ASIP: variants seen among roughly 807,000 people sequenced by gnomAD.
ASIP encodes the protein agouti-signaling protein.
ASIP carries 11 observed loss-of-function variants against 10.3 expected under a neutral mutation model. That is an observed-to-expected ratio of 1.07 (90% confidence interval 0.68 to 1.78). ASIP has a LOEUF of 1.78. Ranked by LOEUF, ASIP falls within the 40% of genes most tolerant of loss-of-function variation. ASIP has a pLI of 0.00. For synonymous variants in ASIP, 70 were observed against 70.8 expected, an observed-to-expected ratio of 0.99 and a Z score of 0.06; for missense variants, 180 against 169.2, an observed-to-expected ratio of 1.06 and a Z score of -0.35.
At chr20:34,194,368 C>G (rs2034841505), upstream of ASIP, among the ~76,000 whole-genome samples, 1 of 152,010 alleles carries the variant, frequency 6.6e-6, no homozygotes, top group South Asian at 2.1e-4. Context: ...AGAGTCTCAC[C>G]TATTTACTAG....
intron 1 of ASIP, among the ~76,000 whole-genome samples, chr20:34,206,065 T>G (rs933341892): frequency 5.9e-5 from 9 of 152,186 alleles, no homozygotes; most frequent in Non-Finnish European, 1.3e-4. Context: ...CCATCTCACC[T>G]CACTGCAACC....
At chr20:34,240,483 C>T (rs540123973), upstream of ASIP, among the ~76,000 whole-genome samples, 4 of 152,134 alleles carry the variant, frequency 2.6e-5, no homozygotes, top group Non-Finnish European at 5.9e-5. Flanking sequence ...AGAACTGCAG[C>T]GTCATAGTTT....
At chr20:34,235,726 G>A (rs1259118166) in intron 1 of ASIP, among the ~76,000 whole-genome samples, 1 of 147,362 alleles carries the variant, frequency 6.8e-6, no homozygotes, top group Admixed American at 6.9e-5. Context: ...CGTGGCTGAA[G>A]TGGGCTCATG....
chr20:34,188,183 A>G, the ASIP span, among the ~76,000 whole-genome samples: 1 of 152,230 alleles, frequency 6.6e-6, no homozygotes, highest in Non-Finnish European at 1.5e-5. Flanking sequence ...GGATACAAAA[A>G]CGAAATTATA....
At chr20:34,215,330 A>G in intron 1 of ASIP, 4 of 1,572,750 alleles carry the variant, frequency 2.5e-6, no homozygotes, top group Non-Finnish European at 2.6e-6. Context: ...GATATTTGGT[A>G]CCATGATTCC....
intron 3 of ASIP, among the ~76,000 whole-genome samples, chr20:34,267,856 G>A (rs2035815550): frequency 6.8e-6 from 1 of 147,416 alleles, no homozygotes. Flanking sequence ...AAAAAAAAAA[G>A]GTGCAATTAA....
At chr20:34,200,349 T>C (rs1481066700) in intron 1 of ASIP, among the ~76,000 whole-genome samples, 1 of 152,188 alleles carries the variant, frequency 6.6e-6, no homozygotes, top group Non-Finnish European at 1.5e-5. Context: ...GATTAAGAAA[T>C]ACAGTACTAA....
At chr20:34,264,671 G>A (rs1431546816) in intron 3 of ASIP, among the ~76,000 whole-genome samples, 4 of 151,508 alleles carry the variant, frequency 2.6e-5, no homozygotes, top group East Asian at 3.9e-4. Context: ...GTAAACTTAC[G>A]GTATCAATAA....
chr20:34,219,069 A>G (rs77990071), intron 1 of ASIP, among the ~76,000 whole-genome samples: 2 of 152,324 alleles, frequency 1.3e-5, no homozygotes, highest in East Asian at 1.9e-4. Context: ...AGGCAGTTGT[A>G]TAGACTTCCA....
chr20:34,190,283 C>T (rs2034817082), upstream of ASIP, among the ~76,000 whole-genome samples: 1 of 152,138 alleles, frequency 6.6e-6, no homozygotes, highest in Admixed American at 6.5e-5. Flanking sequence ...TAGAACCTCC[C>T]AGATGAGAAT....
intron 1 of ASIP, among the ~76,000 whole-genome samples, chr20:34,210,944 G>C (rs1187350578): frequency 1.3e-5 from 2 of 152,016 alleles, no homozygotes; most frequent in Non-Finnish European, 2.9e-5. Context: ...TTTCTAGTTT[G>C]GGTACGCTAA....
At chr20:34,227,873 G>A (rs912013191) in intron 1 of ASIP, among the ~76,000 whole-genome samples, 2 of 152,124 alleles carry the variant, frequency 1.3e-5, no homozygotes, top group Admixed American at 1.3e-4. Flanking sequence ...TCCAGACTTG[G>A]AGAATAATCA....
chr20:34,213,680 G>T, intron 1 of ASIP: 1 of 1,543,984 alleles, frequency 6.5e-7, no homozygotes, highest in Non-Finnish European at 9.0e-7. Flanking sequence ...TTGAGTATAT[G>T]TTCTGAAGCA....
chr20:34,226,350 T>G (rs2122571705), intron 1 of ASIP, among the ~76,000 whole-genome samples: 1 of 152,014 alleles, frequency 6.6e-6, no homozygotes, highest in Middle Eastern at 3.4e-3. Context: ...TATTCTGATT[T>G]TTTTTTAACT....
At chr20:34,197,356 G>A (rs915152527) in intron 1 of ASIP, among the ~76,000 whole-genome samples, 2 of 152,122 alleles carry the variant, frequency 1.3e-5, no homozygotes, top group South Asian at 4.1e-4. Flanking sequence ...GCAAGACTCC[G>A]TCTCAAAAAT....
chr20:34,203,146 T>C (rs1309124615), intron 1 of ASIP, among the ~76,000 whole-genome samples: 4 of 152,078 alleles, frequency 2.6e-5, no homozygotes, highest in Non-Finnish European at 5.9e-5. Context: ...GATAACTTTA[T>C]AAATTCTACC....
intron 1 of ASIP, chr20:34,213,795 G>C (rs1159316321): frequency 2.0e-6 from 3 of 1,506,808 alleles, no homozygotes; most frequent in Non-Finnish European, 2.8e-6. Context: ...GACAACTGAG[G>C]GCCAGCAAGA....
rs1353267138 is a variant in ASIP at position 34,223,248 on chromosome 20, G to T, written c.-11+28488G>T. 2.9e-5 allele frequency among the ~76,000 whole-genome samples: 4 copies of T among 140,326 alleles called. No homozygotes were observed. In the East Asian group the frequency reaches 6.5e-4, roughly 23 times the overall value. 92.1% of individuals were successfully genotyped at this position (140,326 alleles called of 152,430 possible). ...GAGCGTCTCTGCCCGGCCGCCCATC[G>T]TCTGAGATGTGGGGAGCGCCTCTGC... On this transcript the variant is annotated intron_variant, in intron 1 of 3. Coordinates refer to the ASIP transcript ENST00000568305.
intron 3 of ASIP, among the ~76,000 whole-genome samples, chr20:34,263,822 C>T (rs2035738605): frequency 6.6e-6 from 1 of 151,858 alleles, no homozygotes; most frequent in African/African-American, 2.4e-5. Context: ...GCACATGCCA[C>T]CATGCCCAGC....
Sources: allele counts gnomAD v4.1 joint callset (sites outside exome capture counted in the v4.1 genomes callset), GRCh38; gene constraint gnomAD v4.1.1; transcripts MANE v1.5; gene names NCBI Gene and HGNC (gene_info 2026-07-23, HGNC 2026-07-21).